SETD1A: variants seen among roughly 807,000 people sequenced by gnomAD.
SETD1A encodes the protein SET domain containing 1A, histone lysine methyltransferase, also known as histone-lysine N-methyltransferase SETD1A.
A neutral mutation model predicts 149.9 loss-of-function variants in SETD1A; 29 were observed. That is an observed-to-expected ratio of 0.19 (90% CI 0.14 to 0.26). The LOEUF (loss-of-function observed/expected upper bound fraction) is 0.26. SETD1A is among the 10% of genes least tolerant of loss of function. The pLI is 1.00. For synonymous variants in SETD1A, 1,141 were observed against 968.5 expected (o/e 1.18, Z -3.31); for missense variants, 2,109 against 2,353.1 (o/e 0.90, Z 2.15).
Position 30,981,277 on chromosome 16 carries a change from C to A in SETD1A, c.4812+97C>A, listed in dbSNP as rs1028814383. ...GTTTGTCCGGTTAAAGCCTTGCACA[C>A]TCCCTAACCCCGGTACCTAGCCAGT... On this transcript the variant is annotated intron_variant, in intron 17 of 18. Transcript: ENST00000262519. 6.0e-5 allele frequency: 90 copies of A among 1,489,874 alleles called. 1 individual carries two copies. The highest frequency in any genetic ancestry group is 6.0e-4 in the Admixed American group (33 of 55,428). 92.3% of individuals were successfully genotyped at this position (1,489,874 alleles called of 1,614,324 possible). A position where few individuals can be genotyped will look rare whatever the true frequency, so the allele number is the denominator to read the frequency against.
At chr16:30,967,234 A>T (rs944382387) in intron 9 of SETD1A, among the ~76,000 whole-genome samples, 174 bp downstream of exon 9, 17 of 151,744 alleles carry the variant, frequency 1.1e-4, no homozygotes, top group African/African-American at 3.4e-4. Context: ...GCTCACTGCA[A>T]CCTCCGCCTC....
chr16:30,979,302 C>T lies in SETD1A; in HGVS notation c.3516C>T (p.Ala1172=). The T allele has an allele frequency of 6.2e-7, 1 of 1,613,740 alleles. No individual in the cohort carries two copies. Among genetic ancestry groups the T allele is most frequent in the East Asian group, 2.2e-5 (1 of 44,856 alleles). The change falls in exon 14 of 19, where the codon GCC becomes GCT. Residue 1172 remains alanine (A), a synonymous_variant. Transcript: ENST00000262519. ...GCCGGAAAACTGTCTCCTTCTCTGC[C>T]ATCGAGGTGGTGCCAGCCCCGGAGC... ...KKRRKTVSFS[A]IEVVPAPEPP... is the part of the protein sequence containing the mutation.
chr16:30,959,247 G>C, intron 3 of SETD1A, 61 bp downstream of exon 3: 2 of 1,062,836 alleles, frequency 1.9e-6, no homozygotes, highest in Non-Finnish European at 3.0e-6. Context: ...ATGCGTCTTG[G>C]CACTATAGCT....
Position 30,965,946 on chromosome 16 carries a change from C to A in SETD1A, c.2065C>A (p.Arg689=), listed in dbSNP as rs1567353627. 6 of 1,608,444 alleles carry A rather than the reference C, an allele frequency of 3.7e-6. No individual in the cohort carries two copies. Among genetic ancestry groups the A allele is most frequent in the Middle Eastern group, 1.7e-4 (1 of 6,032 alleles). Residue 689 remains arginine, a synonymous_variant, in exon 8 of 19, where the codon CGG becomes AGG. Coordinates refer to ENST00000262519, the MANE Select transcript of SETD1A (RefSeq NM_014712.3). ...SFQMQTQMLT[R]LHQLRQGKGL... is the part of the protein sequence containing the mutation. ...CCAGATGCAGACCCAGATGTTAACT[C>A]GGCTCCATCAGCTGCGGCAGGGCAA...
At position 30,971,726 on chromosome 16, in the gene SETD1A, G is replaced by A. The variant is rs756829433; in HGVS notation, c.3358+7G>A. On this transcript the variant is annotated splice_region_variant and intron_variant, in intron 13 of 18. Transcript: ENST00000262519. The stretch of plus-strand genomic sequence containing the variant: ...TCTCCAGCAAGGCCTGCAGGTAGGT[G>A]CCACAGGGCTGTCGGTTAGATCGCT... The A allele has an allele frequency of 2.6e-6, 4 of 1,547,304 alleles. No homozygotes were observed. The South Asian group carries it at 4.9e-5, about 19-fold the overall frequency.
At chr16:30,972,163 T>A (rs1287953787) in intron 13 of SETD1A, among the ~76,000 whole-genome samples, 1 of 152,238 alleles carries the variant, frequency 6.6e-6, no homozygotes, top group Non-Finnish European at 1.5e-5. Context: ...TGTTATACTC[T>A]AGCACATTCG....
intron 13 of SETD1A, among the ~76,000 whole-genome samples, chr16:30,978,566 C>T (rs946821002): frequency 1.3e-5 from 2 of 152,222 alleles, no homozygotes; most frequent in Non-Finnish European, 2.9e-5. Context: ...TCTCCTGCCC[C>T]TCCCTGCAGG....
chr16:30,965,699 A>ACCTCCC lies in SETD1A; in HGVS notation c.1827_1832dup (p.Pro615_Pro616dup). The ACCTCCC allele has an allele frequency of 2.7e-6, 1 of 365,026 alleles. No individual in the cohort carries two copies. Among genetic ancestry groups the ACCTCCC allele is most frequent in the Non-Finnish European group, 4.1e-6 (1 of 242,300 alleles). The allele number at this position is 365,026 out of a possible 1,614,324, so 22.6% of individuals were successfully genotyped here. On this transcript the variant is annotated inframe_insertion, in exon 8 of 19. Coordinates refer to ENST00000262519, the MANE Select transcript of SETD1A (RefSeq NM_014712.3). Reference sequence around the variant, plus strand: ...CGACGCCCCCTCAGCAGCCTCCGCCACCTCCCCCTCCCCCGCCGCCTCCTC... The same window carrying ACCTCCC: ...CGACGCCCCCTCAGCAGCCTCCGCCACCTCCCCCTCCCCCTCCCCCGCCGCCTCCTC...
chr16:30,963,323 C>T, intron 4 of SETD1A, 110 bp from the exon 5 acceptor site: 3 of 1,085,174 alleles, frequency 2.8e-6, no homozygotes, highest in South Asian at 3.5e-5. Flanking sequence ...TCCTGAAACC[C>T]AGATTCCAAG....
At chr16:30,978,133 G>C (rs1010740640) in intron 13 of SETD1A, among the ~76,000 whole-genome samples, 1 of 152,104 alleles carries the variant, frequency 6.6e-6, no homozygotes, top group Non-Finnish European at 1.5e-5. Context: ...ACTTAGCTGG[G>C]TGTGGTGGTG....
Position 30,971,698 on chromosome 16 carries a change from G to T in SETD1A, c.3337G>T (p.Ala1113Ser), listed in dbSNP as rs766438706. The T allele has an allele frequency of 1.9e-6, 3 of 1,577,126 alleles. No individual in the cohort carries two copies. In the Admixed American group the frequency reaches 5.3e-5, roughly 28 times the overall value. ...AGTCACACCCCTGCCCGAACAGGAGGCGTCTCCAGCAAGGCCTGCAGGTAG... is the reference window on the plus strand; with the variant it reads ...AGTCACACCCCTGCCCGAACAGGAGTCGTCTCCAGCAAGGCCTGCAGGTAG... Reference protein sequence around the residue: ...SPVTPLPEQEASPARPAGPTE... With the variant: ...SPVTPLPEQESSPARPAGPTE... Residue 1113 changes from alanine to serine, a missense_variant, in exon 13 of 19, where the codon GCG becomes TCG. By Grantham distance (99) the Ala-to-Ser change is moderately conservative (BLOSUM62 1). Around this residue, in one of 8 missense-constraint regions of SETD1A, gnomAD observed 832 missense variants for 815.6 expected, o/e 1.02. Transcript: ENST00000262519.
chr16:30,971,990 G>A (rs570000533), intron 13 of SETD1A, among the ~76,000 whole-genome samples: 2 of 152,268 alleles, frequency 1.3e-5, no homozygotes, highest in African/African-American at 2.4e-5. Flanking sequence ...AGGAGAAAGT[G>A]CCCAGTTGAA....
chr16:30,972,946 A>T (rs966134978), intron 13 of SETD1A, among the ~76,000 whole-genome samples: 6 of 152,106 alleles, frequency 3.9e-5, no homozygotes, highest in African/African-American at 1.4e-4. Flanking sequence ...GCCGGAGCAC[A>T]TCTGCAGGAG....
chr16:30,965,453 C>G lies in SETD1A; in HGVS notation c.1711C>G (p.Gln571Glu), dbSNP rs1380211535. 1 of 1,595,514 alleles carries G rather than the reference C, an allele frequency of 6.3e-7. No individual in the cohort carries two copies. The highest frequency in any genetic ancestry group is 8.6e-7 in the Non-Finnish European group (1 of 1,166,872). The change falls in exon 7 of 19, where the codon CAG (glutamine) becomes GAG (glutamate). Residue 571 changes from glutamine (Q) to glutamate (E), a missense_variant. Physicochemically the swap from Gln to Glu is conservative, Grantham distance 29 (BLOSUM62 2). Transcript: ENST00000262519. ...CCGGGAGTCTCCCAAGGCAAATGGACAGAACCAGGTGAGGTTGGGGTCAGC... is the reference window on the plus strand; with the variant it reads ...CCGGGAGTCTCCCAAGGCAAATGGAGAGAACCAGGTGAGGTTGGGGTCAGC... Reference protein sequence around the residue: ...ATRESPKANGQNQASPCSSGD... With the variant: ...ATRESPKANGENQASPCSSGD...
chr16:30,974,317 G>T (rs567470511), intron 13 of SETD1A, among the ~76,000 whole-genome samples: 1 of 152,114 alleles, frequency 6.6e-6, no homozygotes, highest in Non-Finnish European at 1.5e-5. Flanking sequence ...TGGAAAGAAC[G>T]GTAGGCTGGA....
Position 30,961,640 on chromosome 16 carries a change from C to T in SETD1A, c.517+103C>T. The T allele has an allele frequency of 9.9e-7, 1 of 1,008,604 alleles. No individual in the cohort carries two copies. The highest frequency in any genetic ancestry group is 1.5e-6 in the Non-Finnish European group (1 of 672,554). 62.5% of individuals were successfully genotyped at this position (1,008,604 alleles called of 1,614,324 possible). On this transcript the variant is annotated intron_variant, in intron 4 of 18. Coordinates refer to ENST00000262519, the MANE Select transcript of SETD1A (RefSeq NM_014712.3). This position sits in a 1 kb window ranked among gnomAD's most constrained non-coding sequence, Gnocchi z 4.0. ...AGGCGCCCAGGGTCATGATCTGAAA[C>T]TGCTGGGGCCAGTTGTGTTTCTGAA...
rs528538127 is a variant in SETD1A at position 30,979,258 on chromosome 16, C to G, written c.3472C>G (p.Leu1158Val). 3.7e-6 allele frequency: 6 copies of G among 1,612,058 alleles called. No individual in the cohort carries two copies. The East Asian group carries it at 1.1e-4, about 30-fold the overall frequency. ...GCGTCCCTCTTCTCCCATCCCCCTC[C>G]TGCCCCCACCCAAGAAACGCCGGAA... ...DERPSSPIPL[L>V]PPPKKRRKTV... Residue 1158 changes from leucine (L) to valine (V), a missense_variant, in exon 14 of 19, where the codon CTG (leucine) becomes GTG (valine). Leu to Val is a conservative substitution (Grantham distance 32). Around this residue, in one of 8 missense-constraint regions of SETD1A, gnomAD observed 832 missense variants for 815.6 expected, o/e 1.02. Coordinates refer to ENST00000262519, the MANE Select transcript of SETD1A (RefSeq NM_014712.3).
At chr16:30,962,105 C>G (rs990352896) in intron 4 of SETD1A, among the ~76,000 whole-genome samples, 2 of 151,492 alleles carry the variant, frequency 1.3e-5, no homozygotes, top group Non-Finnish European at 2.9e-5. Flanking sequence ...CAATCTGTCG[C>G]CCAGGCTGGA....
At position 30,983,813 on chromosome 16, in the gene SETD1A, G is replaced by A; in HGVS notation, c.4951-37G>A. 1 of 1,611,612 alleles carries A rather than the reference G, an allele frequency of 6.2e-7. No homozygotes were observed. The highest frequency in any genetic ancestry group is 8.5e-7 in the Non-Finnish European group (1 of 1,178,394). ...GCCGGGGCAGGAGTTGGGGGTCGGTGGGGGTGGCCACGGCTCACACGCCCT... is the reference window on the plus strand; with the variant it reads ...GCCGGGGCAGGAGTTGGGGGTCGGTAGGGGTGGCCACGGCTCACACGCCCT... On this transcript the variant is annotated intron_variant, in intron 18 of 18. Coordinates refer to ENST00000262519, the MANE Select transcript of SETD1A (RefSeq NM_014712.3). The surrounding 1 kb of genome is among the most constrained non-coding windows in gnomAD (Gnocchi z 6.8).
Sources: allele counts gnomAD v4.1 joint callset (sites outside exome capture counted in the v4.1 genomes callset), GRCh38; gene constraint gnomAD v4.1.1; regional missense constraint gnomAD v4.1.1; non-coding constraint Gnocchi (gnomAD v3.1); transcripts MANE v1.5; gene names NCBI Gene and HGNC (gene_info 2026-07-23, HGNC 2026-07-21).